The following FSTL1 variants were observed in gnomAD, a reference collection of about 807,000 sequenced individuals.
FSTL1 encodes follistatin like 1.
In FSTL1, 24 loss-of-function variants were observed where a neutral mutation model predicts 45.9. The observed-to-expected ratio is 0.52, with a 90% CI of 0.38 to 0.74. The LOEUF is 0.74. Among genes scored for constraint, FSTL1 ranks in the 30% least tolerant of loss-of-function variants. FSTL1 has a pLI of 0.00. For missense variants in FSTL1, 340 were observed against 381.8 expected, an observed-to-expected ratio of 0.89 and a Z score of 0.91; for synonymous variants, 120 against 137.6, an observed-to-expected ratio of 0.87 and a Z score of 0.89.
rs1047621970 is a variant in FSTL1, at chr3:120,404,772, G to C, written c.581+81C>G. On this transcript the variant is annotated intron_variant, in intron 7 of 10. Transcript: ENST00000295633. ...ACATTCTCTCACTGGTGGCTCTTTTGCAGGTGGGAAAGGGTTTAAGTCCCC... is the reference window on the plus strand; with the variant it reads ...ACATTCTCTCACTGGTGGCTCTTTTCCAGGTGGGAAAGGGTTTAAGTCCCC... 7.0e-5 allele frequency: 54 copies of C among 776,482 alleles called. No homozygotes were observed. In the Admixed American group the frequency reaches 9.8e-4, roughly 14 times the overall value. 48.1% of individuals were successfully genotyped at this position (776,482 alleles called of 1,614,324 possible). A position where few individuals can be genotyped will look rare whatever the true frequency, so the allele number is the denominator to read the frequency against.
At chr3:120,442,733 A>C (rs1937648316) in intron 2 of FSTL1, among the ~76,000 whole-genome samples, 1 of 144,286 alleles carries the variant, frequency 6.9e-6, no homozygotes, top group Admixed American at 7.1e-5. Context: ...CAGTGAGCCG[A>C]GATCGCACCA....
intron 9 of FSTL1, among the ~76,000 whole-genome samples, chr3:120,400,283 G>A (rs1234743446): frequency 6.6e-6 from 1 of 152,280 alleles, no homozygotes; most frequent in South Asian, 2.1e-4. Context: ...ATTTCTCTGA[G>A]ACAATGACTC....
At chr3:120,440,265 T>C (rs1937614734) in intron 2 of FSTL1, among the ~76,000 whole-genome samples, 2 of 152,236 alleles carry the variant, frequency 1.3e-5, no homozygotes, top group South Asian at 4.1e-4. Context: ...ATGCCTGCCA[T>C]GTCTATGTGG....
rs115662569 is a variant in FSTL1 at position 120,421,714 on chromosome 3, C to T, written c.64-5687G>A. On this transcript the variant is annotated intron_variant, in intron 2 of 10. Coordinates refer to ENST00000295633, the MANE Select transcript of FSTL1 (RefSeq NM_007085.5). ...AGGAGGAGGGACTGGTGATTTCTAG[C>T]AGTGGTTCTGATGTGTGTGGCAGGG... Among the ~76,000 whole-genome samples, 978 of 152,272 alleles carry T rather than the reference C, an allele frequency of 6.4e-3. 5 individuals carry two copies. Among genetic ancestry groups the T allele is most frequent in the African/African-American group, 0.022 (915 of 41,550 alleles).
Position 120,450,973 on chromosome 3 carries a change from C to A in FSTL1, c.-77G>T, listed in dbSNP as rs1275517879. On this transcript the variant is annotated 5_prime_UTR_variant, in exon 1 of 11. Coordinates refer to ENST00000295633, the MANE Select transcript of FSTL1 (RefSeq NM_007085.5). ...GCTGTAAGCGGAGGTGGGAGCTCCGCCGATCGCCAGCCTCGGAGGAAATGC... is the reference window on the plus strand; with the variant it reads ...GCTGTAAGCGGAGGTGGGAGCTCCGACGATCGCCAGCCTCGGAGGAAATGC... 4.4e-6 allele frequency: 2 copies of A among 459,392 alleles called. No homozygotes were observed. Among genetic ancestry groups the A allele is most frequent in the East Asian group, 7.1e-5 (2 of 28,180 alleles). The allele number at this position is 459,392 out of a possible 1,614,324, so 28.5% of individuals were successfully genotyped here.
In FSTL1 at chr3:120,414,063, G is replaced by A. The variant is rs577629149; in HGVS notation, c.168+1860C>T. Among the ~76,000 whole-genome samples, 477 of 151,932 alleles carry A rather than the reference G, an allele frequency of 3.1e-3. 2 individuals are homozygous for A. Among genetic ancestry groups the A allele is most frequent in the African/African-American group, 0.01 (432 of 41,476 alleles). Reference sequence around the variant, plus strand: ...CTCCCGAGGTGCCGGGATTGCAGACGGAGTCTCGTTCACTCAGTGCTCAAT... The same window carrying A: ...CTCCCGAGGTGCCGGGATTGCAGACAGAGTCTCGTTCACTCAGTGCTCAAT... On this transcript the variant is annotated intron_variant, in intron 3 of 10. Coordinates refer to ENST00000295633, the MANE Select transcript of FSTL1 (RefSeq NM_007085.5).
intron 2 of FSTL1, among the ~76,000 whole-genome samples, chr3:120,427,220 T>G (rs1416923626): frequency 6.6e-6 from 1 of 152,234 alleles, no homozygotes; most frequent in East Asian, 1.9e-4. Context: ...CCATCCTCAG[T>G]GACCTTTTAC....
chr3:120,437,732 C>T (rs1210785269), intron 2 of FSTL1, among the ~76,000 whole-genome samples: 1 of 152,220 alleles, frequency 6.6e-6, no homozygotes, highest in Admixed American at 6.5e-5. Flanking sequence ...CAATATTGAG[C>T]TGGCTGGCTC....
chr3:120,449,932 GTCCA>G (rs768955927), intron 2 of FSTL1, among the ~76,000 whole-genome samples: 1 of 152,058 alleles, frequency 6.6e-6, no homozygotes, highest in Non-Finnish European at 1.5e-5. Context: ...TTTATTTTCT[GTCCA>G]TAAACCTTTG....
intron 2 of FSTL1, among the ~76,000 whole-genome samples, chr3:120,437,937 G>A (rs1937587986): frequency 6.6e-6 from 1 of 152,160 alleles, no homozygotes; most frequent in Admixed American, 6.5e-5. Flanking sequence ...GTGCCCATGG[G>A]CTGTAGTAAG....
intron 2 of FSTL1, among the ~76,000 whole-genome samples, chr3:120,427,613 G>T (rs1393335178): frequency 6.6e-6 from 1 of 152,144 alleles, no homozygotes; most frequent in Non-Finnish European, 1.5e-5. Flanking sequence ...TATATATTCA[G>T]CCTGGAATTT....
intron 2 of FSTL1, among the ~76,000 whole-genome samples, chr3:120,424,437 G>A (rs1937339830): frequency 6.6e-6 from 1 of 152,240 alleles, no homozygotes; most frequent in Non-Finnish European, 1.5e-5. Context: ...GACTCCAGGA[G>A]ATGGGACTTC....
Position 120,403,373 on chromosome 3 carries a change from G to T in FSTL1, c.582-19C>A. On this transcript the variant is annotated intron_variant, in intron 7 of 10. Coordinates refer to ENST00000295633, the MANE Select transcript of FSTL1 (RefSeq NM_007085.5). Reference sequence around the variant, plus strand: ...GAGTCCCCTGAAACAAAACACAGGAGAAATGTGTTAGCAAGACCTCAGCTT... The same window carrying T: ...GAGTCCCCTGAAACAAAACACAGGATAAATGTGTTAGCAAGACCTCAGCTT... 7.1e-7 allele frequency: 1 copy of T among 1,417,882 alleles called. No homozygotes were observed. The highest frequency in any genetic ancestry group is 1.0e-6 in the Non-Finnish European group (1 of 1,000,754). 87.8% of individuals were successfully genotyped at this position (1,417,882 alleles called of 1,614,324 possible).
chr3:120,412,824 GCGCGCGCGCGCGCGCACA>G (rs1937090610), intron 3 of FSTL1, among the ~76,000 whole-genome samples: 1 of 92,794 alleles, frequency 1.1e-5, no homozygotes, highest in Non-Finnish European at 2.0e-5. Flanking sequence ...ACATGTGCGC[GCGCGCGCGCGCGCGCACA>G]CACACACACA....
At chr3:120,435,397 C>T (rs1937532850) in intron 2 of FSTL1, among the ~76,000 whole-genome samples, 1 of 152,222 alleles carries the variant, frequency 6.6e-6, no homozygotes, top group Non-Finnish European at 1.5e-5. Context: ...ATCACCACCT[C>T]CCTTCTTCCA....
At chr3:120,417,288 A>G (rs975366209) in intron 2 of FSTL1, among the ~76,000 whole-genome samples, 1 of 150,472 alleles carries the variant, frequency 6.6e-6, no homozygotes, top group African/African-American at 2.5e-5. Context: ...AGATTAGGGG[A>G]AAAAAGCAAA....
chr3:120,424,231 G>GT (rs1287400795), intron 2 of FSTL1, among the ~76,000 whole-genome samples: 1 of 152,214 alleles, frequency 6.6e-6, no homozygotes, highest in East Asian at 1.9e-4. Flanking sequence ...GAGCCCAGGA[G>GT]TTTGAGGCTG....
rs1174154104 is a variant in FSTL1 at position 120,403,254 on chromosome 3, G to A, written c.682C>T (p.Pro228Ser). ...AGGTTAGGCATACTCTTCTCAGGAG[G>A]GTTGAAAGATGGGTTGAGGCACTTG... ...FLKCLNPSFN[P>S]PEKKCALEDE... is the part of the protein sequence containing the mutation. Residue 228 changes from proline (P) to serine (S), a missense_variant, in exon 8 of 11, where the codon CCT becomes TCT. Transcript: ENST00000295633. 1.3e-6 allele frequency: 2 copies of A among 1,581,226 alleles called. No individual in the cohort carries two copies. Among genetic ancestry groups the A allele is most frequent in the Non-Finnish European group, 1.7e-6 (2 of 1,150,128 alleles).
At chr3:120,409,698 A>G in intron 5 of FSTL1, 36 bp from the exon 6 acceptor site, 1 of 1,610,178 alleles carries the variant, frequency 6.2e-7, no homozygotes, top group Non-Finnish European at 8.5e-7. Flanking sequence ...TGGAGCAGTC[A>G]GGGGAGGACC....
Sources: allele counts gnomAD v4.1 joint callset (sites outside exome capture counted in the v4.1 genomes callset), GRCh38; gene constraint gnomAD v4.1.1; transcripts MANE v1.5; gene names NCBI Gene and HGNC (gene_info 2026-07-23, HGNC 2026-07-21).